Variants in ANO3 observed in about 807,000 individuals in gnomAD.
ANO3 encodes anoctamin-3.
In ANO3, 99 loss-of-function variants were observed where a neutral mutation model predicts 144.8. That is an observed-to-expected ratio of 0.68 (90% CI 0.58 to 0.81). The LOEUF is 0.81. Among genes scored for constraint, ANO3 ranks in the 30% least tolerant of loss-of-function variants. The pLI is 0.00. For synonymous variants in ANO3, 414 were observed against 392.6 expected, an observed-to-expected ratio of 1.05 and a Z score of -0.64; for missense variants, 905 against 1,202.2, an observed-to-expected ratio of 0.75 and a Z score of 3.66.
intron 1 of ANO3, among the ~76,000 whole-genome samples, chr11:26,201,844 G>A (rs573656846): frequency 4.3e-4 from 65 of 151,458 alleles, no homozygotes; most frequent in African/African-American, 1.5e-3. Flanking sequence ...TGTAGAAGAG[G>A]TGTAAGATTT....
intron 25 of ANO3, 53 bp from the exon 26 acceptor site, chr11:26,656,323 G>T (rs927714289): frequency 1.4e-5 from 21 of 1,471,282 alleles, no homozygotes; most frequent in Non-Finnish European, 1.9e-5. Context: ...GAAAATTTGG[G>T]CCTCCACTCT....
Position 26,198,832 on chromosome 11 carries a change from G to C in ANO3, c.154+9502G>C, listed in dbSNP as rs913488872. On this transcript the variant is annotated intron_variant, in intron 1 of 27. Coordinates refer to the ANO3 transcript ENST00000672621. ...ACTTCCAACTTACTGGCTTATCGTT[G>C]AGCCAGTACGTTTCTTAATGTTTAT... 5.3e-5 allele frequency among the ~76,000 whole-genome samples: 8 copies of C among 152,212 alleles called. 1 individual carries two copies. The highest frequency in any genetic ancestry group is 1.9e-4 in the African/African-American group (8 of 41,536).
At chr11:26,503,361 A>G (rs1861276051) in intron 4 of ANO3, among the ~76,000 whole-genome samples, 2 of 152,176 alleles carry the variant, frequency 1.3e-5, no homozygotes, top group Admixed American at 6.5e-5. Flanking sequence ...CTTTTTATCT[A>G]GATGTAATGA....
intron 1 of ANO3, among the ~76,000 whole-genome samples, chr11:26,362,093 A>G (rs1855943101): frequency 6.6e-6 from 1 of 152,132 alleles, no homozygotes; most frequent in Non-Finnish European, 1.5e-5. Flanking sequence ...TCTTTCCCTG[A>G]TGCCTACGCC....
chr11:26,307,398 G>A (rs1046476451), upstream of ANO3, among the ~76,000 whole-genome samples: 1 of 150,030 alleles, frequency 6.7e-6, no homozygotes, highest in African/African-American at 2.5e-5. Flanking sequence ...TCCTCCAGAT[G>A]TAGTTAATAA....
chr11:26,442,993 T>C (rs1200280127), intron 2 of ANO3, among the ~76,000 whole-genome samples: 1 of 152,148 alleles, frequency 6.6e-6, no homozygotes, highest in Non-Finnish European at 1.5e-5. Context: ...CTCAAACTCC[T>C]GACCTTGTGA....
intron 1 of ANO3, among the ~76,000 whole-genome samples, chr11:26,381,476 A>G (rs1856588424): frequency 6.6e-6 from 1 of 152,190 alleles, no homozygotes; most frequent in Non-Finnish European, 1.5e-5. Context: ...AACAGCATTT[A>G]CATTATATCC....
chr11:26,295,444 GA>G (rs1214634524), intron 1 of ANO3, among the ~76,000 whole-genome samples: 1 of 145,964 alleles, frequency 6.9e-6, no homozygotes, highest in Non-Finnish European at 1.5e-5. Flanking sequence ...AGAATGGCGT[GA>G]ACCCGGGAGG....
chr11:26,474,043 A>G, intron 4 of ANO3: 1 of 985,208 alleles, frequency 1.0e-6, no homozygotes, highest in Non-Finnish European at 1.2e-6. Flanking sequence ...GTCACACTGA[A>G]GAGTGCTTTA....
chr11:26,545,169 G>C (rs749735948), intron 11 of ANO3, among the ~76,000 whole-genome samples: 1 of 152,006 alleles, frequency 6.6e-6, no homozygotes, highest in Non-Finnish European at 1.5e-5. Context: ...ACACTTTTCA[G>C]GACATGCATC....
intron 1 of ANO3, among the ~76,000 whole-genome samples, chr11:26,236,934 T>A (rs11029414): frequency 0.32 from 48,799 of 152,020 alleles, 8,279 homozygotes; most frequent in Non-Finnish European, 0.37. Context: ...AGATTTTTTT[T>A]AATTTTGGGA....
chr11:26,595,029 TG>T (rs1851567956), intron 14 of ANO3, among the ~76,000 whole-genome samples: 1 of 152,122 alleles, frequency 6.6e-6, no homozygotes, highest in Admixed American at 6.5e-5. Flanking sequence ...ATTTTTGCCT[TG>T]GGGGGAATGT....
At chr11:26,368,707 G>A (rs1421320313) in intron 1 of ANO3, among the ~76,000 whole-genome samples, 1 of 151,574 alleles carries the variant, frequency 6.6e-6, no homozygotes, top group Non-Finnish European at 1.5e-5. Flanking sequence ...TGCATTCATT[G>A]GTATGTATAA....
rs758126002 is a variant in ANO3 at position 26,301,082 on chromosome 11, G to A, written c.155-8563G>A. On this transcript the variant is annotated intron_variant, in intron 1 of 27. Transcript: ENST00000672621. ...TTGGCCAGGTTGGTCTTGAACTCCT[G>A]ACCTCGAGATCCACCTGCCTCGGCC... Among the ~76,000 whole-genome samples the A allele has an allele frequency of 2.3e-4, 32 of 137,638 alleles. 1 individual carries two copies. The highest frequency in any genetic ancestry group is 4.5e-4 in the Non-Finnish European group (30 of 65,988). The allele number at this position is 137,638 out of a possible 152,430, so 90.3% of individuals were successfully genotyped here.
At chr11:26,474,027 T>C (rs1308103663) in intron 4 of ANO3, 3 of 985,046 alleles carry the variant, frequency 3.0e-6, no homozygotes, top group Middle Eastern at 5.2e-4. Flanking sequence ...GGGAGAACTT[T>C]CAGTTGTCAC....
intron 5 of ANO3, chr11:26,508,582 G>A (rs1222596852): frequency 3.4e-6 from 1 of 294,102 alleles, no homozygotes; most frequent in East Asian, 5.6e-5. Flanking sequence ...AAAAGAATTT[G>A]CCAAACGATT....
chr11:26,280,136 T>C (rs188013006), intron 1 of ANO3, among the ~76,000 whole-genome samples: 1 of 152,314 alleles, frequency 6.6e-6, no homozygotes, highest in East Asian at 1.9e-4. Flanking sequence ...CGGTACAATA[T>C]GTGTGTATAG....
intron 1 of ANO3, among the ~76,000 whole-genome samples, chr11:26,250,508 T>C (rs1852903022): frequency 6.6e-6 from 1 of 152,340 alleles, no homozygotes; most frequent in African/African-American, 2.4e-5. Context: ...GAGGCTTATG[T>C]ATGCTGTCAG....
At chr11:26,385,824 TACACACACAC>T (rs71047847) in intron 1 of ANO3, among the ~76,000 whole-genome samples, 16 of 137,988 alleles carry the variant, frequency 1.2e-4, no homozygotes, top group African/African-American at 3.8e-4. Context: ...TTCACACACA[TACACACACAC>T]ACACACACAC....
Sources: gnomAD v4.1 joint callset for allele counts (sites outside exome capture counted in the v4.1 genomes callset) on GRCh38, gnomAD v4.1.1 for gene constraint, MANE v1.5 for transcripts, NCBI Gene and HGNC (gene_info 2026-07-23, HGNC 2026-07-21) for gene names.